Variants in SLC25A48 observed in about 807,000 individuals in gnomAD.
SLC25A48 encodes the protein CTC-321K16.1.
Under a neutral mutation model 32.2 loss-of-function variants are expected in SLC25A48, and 29 were observed. The ratio of observed to expected loss-of-function variants is 0.90; its 90% confidence interval spans 0.67 to 1.23. The LOEUF (loss-of-function observed/expected upper bound fraction) is 1.23, where lower values mean the gene tolerates loss of function less well. SLC25A48 is among the 50% of genes most tolerant of loss of function. The pLI, the probability that SLC25A48 is intolerant of heterozygous loss-of-function variation, is 0.00. For synonymous variants in SLC25A48, 164 were observed against 172.3 expected (o/e 0.95, Z 0.38); for missense variants, 399 against 422.7 (o/e 0.94, Z 0.49).
rs371774352 is a variant in SLC25A48 at position 135,700,333 on chromosome 5, C to A, written c.-521+65377C>A. ...GTTGCAGTGAGCCGAGATCATGCCA[C>A]TGCACTCTAGCCTGGGTGACAGAGC... On this transcript the variant is annotated intron_variant, in intron 3 of 10. Transcript: ENST00000646290. Among the ~76,000 whole-genome samples the A allele has an allele frequency of 8.4e-5, 11 of 131,166 alleles. No homozygotes were observed. The East Asian group carries it at 2.4e-3, about 28-fold the overall frequency. The allele number at this position is 131,166 out of a possible 152,430, so 86.0% of individuals were successfully genotyped here. A position where few individuals can be genotyped will look rare whatever the true frequency, so the allele number is the denominator to read the frequency against.
intron 3 of SLC25A48, among the ~76,000 whole-genome samples, chr5:135,646,277 G>T (rs1404875555): frequency 6.6e-6 from 1 of 152,096 alleles, no homozygotes; most frequent in Non-Finnish European, 1.5e-5. Flanking sequence ...TGGCTCTGGA[G>T]GGAGTTCAGG....
intron 6 of SLC25A48, 65 bp from the exon 7 acceptor site, chr5:135,879,903 C>T (rs1762335832): frequency 4.6e-6 from 7 of 1,517,318 alleles, no homozygotes; most frequent in Middle Eastern, 1.7e-4. Context: ...ATTCTCTGCC[C>T]CTCCTTGGTG....
intron 3 of SLC25A48, among the ~76,000 whole-genome samples, chr5:135,717,202 T>C (rs1272062152): frequency 6.6e-6 from 1 of 152,200 alleles, no homozygotes; most frequent in Non-Finnish European, 1.5e-5. Flanking sequence ...TGGCCAGCTC[T>C]GGCAAGAAAC....
chr5:135,639,189 G>A (rs1177422558), intron 3 of SLC25A48, among the ~76,000 whole-genome samples: 2 of 152,186 alleles, frequency 1.3e-5, no homozygotes, highest in Non-Finnish European at 2.9e-5. Flanking sequence ...CACAGCTGGG[G>A]CTGTTAACTA....
chr5:135,698,153 CG>C (rs1046636721), intron 3 of SLC25A48, among the ~76,000 whole-genome samples: 5 of 152,210 alleles, frequency 3.3e-5, no homozygotes, highest in African/African-American at 1.2e-4. Flanking sequence ...CTGGGCTTCA[CG>C]GGGGTGAGGG....
chr5:135,696,515 AT>A (rs1194024018), intron 3 of SLC25A48, among the ~76,000 whole-genome samples: 9 of 152,154 alleles, frequency 5.9e-5, no homozygotes, highest in Admixed American at 1.3e-4. Context: ...GAATGAATGA[AT>A]GAATGAATGA....
chr5:135,852,217 G>A (rs1759927394), intron 3 of SLC25A48, among the ~76,000 whole-genome samples: 1 of 152,164 alleles, frequency 6.6e-6, no homozygotes, highest in Admixed American at 6.5e-5. Flanking sequence ...TGCTTGGCCA[G>A]CCCACTGCTC....
At chr5:135,676,855 A>G (rs1753783348) in intron 3 of SLC25A48, among the ~76,000 whole-genome samples, 1 of 151,956 alleles carries the variant, frequency 6.6e-6, no homozygotes. Context: ...ATTTGTTGAG[A>G]TTTGTTTTGT....
chr5:135,852,200 C>T (rs1438931117), intron 3 of SLC25A48, among the ~76,000 whole-genome samples: 1 of 152,162 alleles, frequency 6.6e-6, no homozygotes, highest in East Asian at 1.9e-4. Context: ...GAGGTGGGGG[C>T]GTGTGGTGCT....
intron 3 of SLC25A48, among the ~76,000 whole-genome samples, chr5:135,695,373 G>GCCTGTTA (rs1754241757): frequency 6.6e-6 from 1 of 152,244 alleles, no homozygotes; most frequent in Non-Finnish European, 1.5e-5. Flanking sequence ...CAAATCTGGT[G>GCCTGTTA]CCTGGCACAG....
At chr5:135,833,688 T>C (rs992623813), upstream of SLC25A48, among the ~76,000 whole-genome samples, 6 of 152,188 alleles carry the variant, frequency 3.9e-5, no homozygotes, top group Non-Finnish European at 8.8e-5. Context: ...CCTCTCCCGA[T>C]ACAGGTCCAC....
intron 7 of SLC25A48, among the ~76,000 whole-genome samples, chr5:135,886,750 A>G (rs1762754242): frequency 6.7e-6 from 1 of 148,470 alleles, no homozygotes; most frequent in Non-Finnish European, 1.5e-5. Flanking sequence ...TGTTACAGGC[A>G]TTGGGTGACA....
chr5:135,616,786 T>A (rs746579621), intron 1 of SLC25A48, among the ~76,000 whole-genome samples: 1 of 152,190 alleles, frequency 6.6e-6, no homozygotes, highest in Non-Finnish European at 1.5e-5. Context: ...TGGAATGATA[T>A]GGTTTGGATT....
At chr5:135,793,713 A>C (rs754131495) in intron 3 of SLC25A48, among the ~76,000 whole-genome samples, 1 of 151,246 alleles carries the variant, frequency 6.6e-6, no homozygotes, top group African/African-American at 2.4e-5. Context: ...GGGAGATATT[A>C]CTCTCCTAAT....
chr5:135,884,032 C>T (rs764377610), intron 7 of SLC25A48, among the ~76,000 whole-genome samples: 10 of 152,132 alleles, frequency 6.6e-5, no homozygotes, highest in South Asian at 2.1e-4. Flanking sequence ...AGCACAGTGC[C>T]GTGGCAGCCA....
intron 1 of SLC25A48, among the ~76,000 whole-genome samples, chr5:135,582,457 A>C (rs553003243): frequency 4.6e-5 from 7 of 152,096 alleles, no homozygotes. Flanking sequence ...GGTGGGGACA[A>C]ATTCCTGGAG....
intron 3 of SLC25A48, among the ~76,000 whole-genome samples, chr5:135,655,672 AC>A (rs1474525937): frequency 6.6e-6 from 1 of 152,178 alleles, no homozygotes; most frequent in East Asian, 1.9e-4. Context: ...CTTTGTGGCC[AC>A]ATGTGTGATT....
chr5:135,619,735 T>A (rs1311260090), intron 1 of SLC25A48, among the ~76,000 whole-genome samples: 1 of 152,210 alleles, frequency 6.6e-6, no homozygotes. Context: ...AATACTGTAG[T>A]CTGTATGTGA....
In SLC25A48 at chr5:135,733,043, C is replaced by T. The variant is rs532525849; in HGVS notation, c.-520-79480C>T. Among the ~76,000 whole-genome samples the T allele has an allele frequency of 2.0e-5, 3 of 152,204 alleles. No individual in the cohort carries two copies. The South Asian group carries it at 6.2e-4, about 32-fold the overall frequency. ...CATAGTGAGGAAATTTCTTTCTGCC[C>T]ATATAACAGCATGGTGGTGCAGAAT... On this transcript the variant is annotated intron_variant, in intron 3 of 10. Coordinates refer to the SLC25A48 transcript ENST00000646290.
Sources: gnomAD v4.1 joint callset for allele counts (sites outside exome capture counted in the v4.1 genomes callset) on GRCh38, gnomAD v4.1.1 for gene constraint, MANE v1.5 for transcripts, NCBI Gene and HGNC (gene_info 2026-07-23, HGNC 2026-07-21) for gene names.